GOLGA3: variants seen among roughly 807,000 people sequenced by gnomAD.
GOLGA3 encodes the protein golgin subfamily A member 3.
In GOLGA3, 75 loss-of-function variants were observed where a neutral mutation model predicts 169.4. The ratio of observed to expected loss-of-function variants is 0.44; its 90% CI spans 0.37 to 0.54. GOLGA3 has a LOEUF of 0.54. GOLGA3 is among the 20% of genes least tolerant of loss of function. The pLI, the probability that GOLGA3 is intolerant of heterozygous loss-of-function variation, is 0.00. For synonymous variants in GOLGA3, 824 were observed against 822.4 expected (o/e 1.00, Z -0.03); for missense variants, 1,899 against 1,930.0 (o/e 0.98, Z 0.30).
chr12:132,773,142 C>A lies in GOLGA3; in HGVS notation c.4460G>T (p.Ser1487Ile). 6.3e-7 allele frequency: 1 copy of A among 1,587,112 alleles called. No individual in the cohort carries two copies. Among genetic ancestry groups the A allele is most frequent in the Non-Finnish European group, 8.6e-7 (1 of 1,166,100 alleles). The change falls in exon 24 of 24, where the codon AGT becomes ATT. Residue 1487 changes from serine (S) to isoleucine (I), a missense_variant. Physicochemically the swap from Ser to Ile is moderately radical, Grantham distance 142. Transcript: ENST00000450791. ...AGPRGDPQRH[S>I]QSRASKEGPG... ...CCCTTCTTTGGAAGCCCTGCTCTGA[C>A]TGTGTCTCTGTGGGTCGCCGCGTGG...
intron 11 of GOLGA3, among the ~76,000 whole-genome samples, chr12:132,794,947 G>C (rs1478526622): frequency 1.3e-5 from 2 of 152,190 alleles, no homozygotes; most frequent in African/African-American, 2.4e-5. Context: ...CCAACACTTC[G>C]GGAGGCCGAG....
intron 1 of GOLGA3, among the ~76,000 whole-genome samples, chr12:132,826,842 G>C (rs540255847): frequency 1.3e-5 from 2 of 149,216 alleles, no homozygotes; most frequent in East Asian, 3.9e-4. Context: ...AGCGATCTCC[G>C]GGCAGCGAGG....
intron 8 of GOLGA3, 111 bp downstream of exon 8, chr12:132,801,656 A>G (rs1317016040): frequency 1.9e-6 from 2 of 1,062,488 alleles, no homozygotes; most frequent in Non-Finnish European, 2.7e-6. Flanking sequence ...AGCAGGTTAA[A>G]AACAAAAACA....
intron 23 of GOLGA3, among the ~76,000 whole-genome samples, chr12:132,773,737 C>T: frequency 6.6e-6 from 1 of 151,796 alleles, no homozygotes; most frequent in Non-Finnish European, 1.5e-5. Flanking sequence ...TTTATATAAA[C>T]CTCAGAGGCT....
intron 12 of GOLGA3, 64 bp from the exon 13 acceptor site, chr12:132,789,354 T>A: frequency 7.1e-7 from 1 of 1,409,350 alleles, no homozygotes; most frequent in East Asian, 2.4e-5. Flanking sequence ...TACCTGGGGG[T>A]CAAGCTGGCT....
chr12:132,800,978 A>G (rs1949103945), intron 8 of GOLGA3, among the ~76,000 whole-genome samples: 1 of 152,206 alleles, frequency 6.6e-6, no homozygotes. Context: ...CCAAAAACAA[A>G]AAGACTGAGG....
Position 132,777,520 on chromosome 12 carries a change from C to G in GOLGA3, c.3722+146G>C. ...AGGCTCAGGATTCTGGAGACGGAGG[C>G]TGGGTGCCTTCTACTCCTATGATTC... is the stretch of plus-strand genomic sequence containing the variant. On this transcript the variant is annotated intron_variant, in intron 19 of 23. Transcript: ENST00000450791. The surrounding 1 kb of genome is among the most constrained non-coding windows in gnomAD (Gnocchi z 4.7). The G allele has an allele frequency of 3.7e-6, 3 of 813,824 alleles. No homozygotes were observed. Among genetic ancestry groups the G allele is most frequent in the Non-Finnish European group, 5.8e-6 (3 of 521,452 alleles). 50.4% of individuals were successfully genotyped at this position (813,824 alleles called of 1,614,324 possible). A position where few individuals can be genotyped will look rare whatever the true frequency, so the allele number is the denominator to read the frequency against.
intron 4 of GOLGA3, 65 bp from the exon 5 acceptor site, chr12:132,808,614 C>T (rs1049431894): frequency 2.3e-6 from 3 of 1,299,370 alleles, no homozygotes; most frequent in Non-Finnish European, 3.2e-6. Flanking sequence ...TTAAAACTGC[C>T]ATTCAGAAAG....
Position 132,789,057 on chromosome 12 carries a change from C to G in GOLGA3, c.2781G>C (p.Lys927Asn). ...DLEGHLQSAQ[K>N]ERDEMETHLQ... ...AGTGTGTTTCCATCTCGTCTCGCTC[C>G]TTCTGCGCCGACTGGAGATGCCCTT... The change falls in exon 13 of 24, where the codon AAG (lysine) becomes AAC (asparagine). Residue 927 changes from lysine to asparagine, a missense_variant. Physicochemically the swap from Lys to Asn is moderately conservative, Grantham distance 94. Transcript: ENST00000450791. 6.3e-7 allele frequency: 1 copy of G among 1,593,216 alleles called. No homozygotes were observed. Among genetic ancestry groups the G allele is most frequent in the Non-Finnish European group, 8.6e-7 (1 of 1,167,500 alleles).
chr12:132,828,109 A>T (rs543848024), intron 1 of GOLGA3, among the ~76,000 whole-genome samples: 1 of 151,904 alleles, frequency 6.6e-6, no homozygotes, highest in East Asian at 1.9e-4. Flanking sequence ...TTTTCTCACA[A>T]TTTTGCCTGG....
chr12:132,786,638 G>T, intron 14 of GOLGA3, 55 bp downstream of exon 14: 1 of 915,638 alleles, frequency 1.1e-6, no homozygotes. Context: ...CTCCCCCCCG[G>T]CCCCCGCACC....
intron 6 of GOLGA3, among the ~76,000 whole-genome samples, chr12:132,806,937 G>A (rs1949435167): frequency 6.6e-6 from 1 of 152,030 alleles, no homozygotes; most frequent in Non-Finnish European, 1.5e-5. Flanking sequence ...CTAACATCTA[G>A]CAAATATTCT....
chr12:132,825,047 T>C (rs568698877), intron 1 of GOLGA3, among the ~76,000 whole-genome samples: 1 of 152,330 alleles, frequency 6.6e-6, no homozygotes, highest in African/African-American at 2.4e-5. Flanking sequence ...CGGTGGAATG[T>C]GGACTCGACT....
At position 132,782,456 on chromosome 12, in the gene GOLGA3, C is replaced by T. The variant is rs374689565; in HGVS notation, c.3305G>A (p.Arg1102His). Residue 1102 changes from arginine (R) to histidine (H), a missense_variant, in exon 17 of 24, where the codon CGC (arginine) becomes CAC (histidine). By Grantham distance (29) the Arg-to-His change is conservative. Transcript: ENST00000450791. Reference protein sequence around the residue: ...ESRGFRKKIKRLEESNKKLAL... With the variant: ...ESRGFRKKIKHLEESNKKLAL... ...CAACTTCTTGTTTGACTCCTCAAGG[C>T]GTTTTATCTTCTTCCTAAAGCCTCT... 118 of 1,613,966 alleles carry T rather than the reference C, an allele frequency of 7.3e-5. No individual in the cohort carries two copies. The highest frequency in any genetic ancestry group is 8.7e-5 in the Non-Finnish European group (103 of 1,179,934).
intron 1 of GOLGA3, among the ~76,000 whole-genome samples, chr12:132,827,374 C>T (rs1042129339): frequency 2.6e-5 from 4 of 152,176 alleles, no homozygotes; most frequent in Non-Finnish European, 4.4e-5. Context: ...CCTCAGCTCC[C>T]GACCCTCCAC....
intron 2 of GOLGA3, among the ~76,000 whole-genome samples, chr12:132,819,225 A>G (rs1416904568): frequency 6.6e-6 from 1 of 152,164 alleles, no homozygotes; most frequent in African/African-American, 2.4e-5. Flanking sequence ...TTTTTGCTCA[A>G]GCAAATTAAA....
At chr12:132,779,764 C>A (rs1443845428) in intron 18 of GOLGA3, among the ~76,000 whole-genome samples, 1 of 135,610 alleles carries the variant, frequency 7.4e-6, no homozygotes, top group Non-Finnish European at 1.6e-5. Context: ...ACAGCCCTTG[C>A]ATGGACACCC....
intron 4 of GOLGA3, among the ~76,000 whole-genome samples, chr12:132,812,814 A>G (rs971848061): frequency 1.1e-4 from 17 of 152,226 alleles, no homozygotes; most frequent in African/African-American, 4.1e-4. Flanking sequence ...CCACAGCCCA[A>G]CCTTCAGCAA....
chr12:132,782,082 A>C (rs1403191187), intron 17 of GOLGA3, among the ~76,000 whole-genome samples: 1 of 151,786 alleles, frequency 6.6e-6, no homozygotes, highest in Non-Finnish European at 1.5e-5. Context: ...CAGACCCCTG[A>C]GCCTGTTCCT....
Sources: allele counts gnomAD v4.1 joint callset (sites outside exome capture counted in the v4.1 genomes callset), GRCh38; gene constraint gnomAD v4.1.1; non-coding constraint Gnocchi (gnomAD v3.1); transcripts MANE v1.5; gene names NCBI Gene and HGNC (gene_info 2026-07-23, HGNC 2026-07-21).